ZMIZ1: variants seen among roughly 807,000 people sequenced by gnomAD.
The protein encoded by ZMIZ1 is zinc finger MIZ-type containing 1, also known as zinc finger MIZ domain-containing protein 1.
Under a neutral mutation model 113.9 loss-of-function variants are expected in ZMIZ1, and 17 were observed. That is an observed-to-expected ratio of 0.15 (90% CI 0.10 to 0.22). The LOEUF is 0.22. Among genes scored for constraint, ZMIZ1 ranks in the 10% least tolerant of loss-of-function variants. ZMIZ1 has a pLI of 1.00. For synonymous variants in ZMIZ1, 607 were observed against 603.1 expected (o/e 1.01, Z -0.09); for missense variants, 1,059 against 1,477.8 (o/e 0.72, Z 4.65).
intron 4 of ZMIZ1, among the ~76,000 whole-genome samples, chr10:79,178,413 C>T (rs1391354938): frequency 6.6e-6 from 1 of 152,206 alleles, no homozygotes; most frequent in African/African-American, 2.4e-5. Context: ...TCTCCACCAT[C>T]ACCCCTCCTA....
intron 3 of ZMIZ1, among the ~76,000 whole-genome samples, chr10:79,140,983 C>A (rs567134687): frequency 6.6e-6 from 1 of 151,984 alleles, no homozygotes; most frequent in Non-Finnish European, 1.5e-5. Context: ...GGTCTCACTT[C>A]GTTGTCCGGG....
chr10:79,070,525 G>T (rs1438157223), intron 1 of ZMIZ1, among the ~76,000 whole-genome samples: 1 of 152,142 alleles, frequency 6.6e-6, no homozygotes, highest in East Asian at 1.9e-4. Context: ...GAGCGCGCCA[G>T]GGCAGCCGGT....
At chr10:79,135,919 C>T (rs539548852) in intron 2 of ZMIZ1, among the ~76,000 whole-genome samples, 57 of 152,148 alleles carry the variant, frequency 3.7e-4, no homozygotes, top group African/African-American at 9.7e-4. Flanking sequence ...GTGTCTGTGC[C>T]GCCAGAGATC....
chr10:79,088,796 G>A (rs1365060835), intron 1 of ZMIZ1, among the ~76,000 whole-genome samples: 1 of 152,196 alleles, frequency 6.6e-6, no homozygotes, highest in Non-Finnish European at 1.5e-5. Flanking sequence ...GGTCCCCACT[G>A]CAAATGCATT....
intron 1 of ZMIZ1, among the ~76,000 whole-genome samples, chr10:79,112,482 C>A (rs1034587990): frequency 4.6e-5 from 7 of 152,118 alleles, no homozygotes. Flanking sequence ...TTCAGGAACC[C>A]CATGTTCCTG....
chr10:79,272,862 G>A (rs1465898360), intron 7 of ZMIZ1, among the ~76,000 whole-genome samples: 11 of 152,336 alleles, frequency 7.2e-5, no homozygotes, highest in African/African-American at 2.4e-5. Flanking sequence ...TTGGCAGTTC[G>A]AGTCTGGGAT....
chr10:79,112,605 G>T (rs1843792706), intron 1 of ZMIZ1, among the ~76,000 whole-genome samples: 1 of 152,170 alleles, frequency 6.6e-6, no homozygotes, highest in African/African-American at 2.4e-5. Context: ...AGCAGACGAG[G>T]CCCAGAGAGG....
intron 4 of ZMIZ1, among the ~76,000 whole-genome samples, chr10:79,182,734 C>G (rs1847172937): frequency 6.6e-6 from 1 of 152,250 alleles, no homozygotes; most frequent in Non-Finnish European, 1.5e-5. Context: ...TAGAATCAGA[C>G]TGCCTGCCTT....
chr10:79,236,510 C>T (rs879720741), intron 7 of ZMIZ1, among the ~76,000 whole-genome samples: 28 of 152,284 alleles, frequency 1.8e-4, no homozygotes, highest in South Asian at 6.2e-4. Flanking sequence ...CTGCCGTTGC[C>T]GTCTCTTCCC....
intron 7 of ZMIZ1, among the ~76,000 whole-genome samples, chr10:79,221,395 C>A (rs901531544): frequency 1.3e-5 from 2 of 152,246 alleles, no homozygotes; most frequent in Non-Finnish European, 2.9e-5. Context: ...GCTCTTTGTT[C>A]TGGCGCAGCC....
chr10:79,287,828 C>T (rs1431221651), intron 8 of ZMIZ1, among the ~76,000 whole-genome samples: 3 of 152,206 alleles, frequency 2.0e-5, no homozygotes, highest in African/African-American at 7.2e-5. Flanking sequence ...AGGAAACTTG[C>T]ACCAGGGTCC....
chr10:79,171,864 A>G (rs1025187592), intron 4 of ZMIZ1, among the ~76,000 whole-genome samples: 2 of 152,182 alleles, frequency 1.3e-5, no homozygotes, highest in African/African-American at 4.8e-5. Flanking sequence ...TGCGACAGGA[A>G]GGCCCAGCAA....
intron 1 of ZMIZ1, among the ~76,000 whole-genome samples, chr10:79,087,282 C>G (rs887294394): frequency 6.6e-6 from 1 of 152,166 alleles, no homozygotes; most frequent in African/African-American, 2.4e-5. Context: ...GGAAGGGGAG[C>G]CTGGTTCTAA....
At chr10:79,083,122 A>G (rs906261888) in intron 1 of ZMIZ1, among the ~76,000 whole-genome samples, 3 of 152,264 alleles carry the variant, frequency 2.0e-5, no homozygotes, top group Admixed American at 2.0e-4. Flanking sequence ...AACTTAATGC[A>G]TGACATCATG....
chr10:79,214,112 C>T (rs1848626999), intron 6 of ZMIZ1, among the ~76,000 whole-genome samples: 1 of 152,190 alleles, frequency 6.6e-6, no homozygotes, highest in Admixed American at 6.5e-5. Context: ...GAATCTTCCT[C>T]CTCACTCTCT....
At chr10:79,299,524 G>A (rs879849465) in intron 16 of ZMIZ1, among the ~76,000 whole-genome samples, 4 of 152,230 alleles carry the variant, frequency 2.6e-5, no homozygotes, top group Admixed American at 2.6e-4. Context: ...TCAAGAATTC[G>A]AGTGTGACTC....
intron 2 of ZMIZ1, among the ~76,000 whole-genome samples, chr10:79,137,030 T>C (rs1030573685): frequency 5.9e-5 from 9 of 152,342 alleles, no homozygotes; most frequent in African/African-American, 2.2e-4. Flanking sequence ...TATAGGAATT[T>C]GTTGTGATTT....
intron 3 of ZMIZ1, among the ~76,000 whole-genome samples, chr10:79,151,751 T>A (rs1293711442): frequency 6.6e-6 from 1 of 152,210 alleles, no homozygotes; most frequent in Non-Finnish European, 1.5e-5. Context: ...TGGGCCCCAC[T>A]GCCTCTCCCT....
In ZMIZ1 at chr10:79,293,589, C is replaced by T. The variant is rs1173650247; in HGVS notation, c.1166C>T (p.Thr389Ile). ...GTHGQRMPQQ[T>I]YPGPRPQSLP... ...CACGGGCAGCGGATGCCCCAGCAGA[C>T]CTACCCGGGCCCCCGGCCCCAGTCC... The change falls in exon 12 of 25, where the codon ACC becomes ATC. Residue 389 changes from threonine (T) to isoleucine (I), a missense_variant. By Grantham distance (89) the Thr-to-Ile change is moderately conservative (BLOSUM62 -1). Transcript: ENST00000334512. The T allele has an allele frequency of 6.2e-7, 1 of 1,613,136 alleles. No individual in the cohort carries two copies. Among genetic ancestry groups the T allele is most frequent in the Non-Finnish European group, 8.5e-7 (1 of 1,180,034 alleles).
Sources: gnomAD v4.1 joint callset for allele counts (sites outside exome capture counted in the v4.1 genomes callset) on GRCh38, gnomAD v4.1.1 for gene constraint, MANE v1.5 for transcripts, NCBI Gene and HGNC (gene_info 2026-07-23, HGNC 2026-07-21) for gene names.